Variants in LAMB4 observed in about 807,000 individuals in gnomAD.
The protein encoded by LAMB4 is laminin subunit beta 4, also known as laminin subunit beta-4.
A neutral mutation model predicts 199.2 loss-of-function variants in LAMB4; 196 were observed. The ratio of observed to expected loss-of-function variants is 0.98; its 90% CI spans 0.88 to 1.11. The LOEUF is 1.11. Ranked by LOEUF, LAMB4 falls within the 50% of genes least tolerant of loss-of-function variation. The pLI, the probability that LAMB4 is intolerant of heterozygous loss-of-function variation, is 0.00. For missense variants in LAMB4, 2,080 were observed against 2,171.2 expected (o/e 0.96, Z 0.83); for synonymous variants, 744 against 770.6 (o/e 0.97, Z 0.57).
chr7:108,047,882 C>A (rs774890100), intron 28 of LAMB4, 26 bp downstream of exon 28: 1 of 1,581,244 alleles, frequency 6.3e-7, no homozygotes, highest in East Asian at 2.2e-5. Context: ...TATAACTTTA[C>A]AAATAAAGCA....
chr7:108,028,472 A>AT (rs1195925912), intron 33 of LAMB4, among the ~76,000 whole-genome samples: 7,315 of 111,780 alleles, frequency 0.065, 403 homozygotes, highest in African/African-American at 0.088. Context: ...AAAAAAGGGC[A>AT]TTTTTTTTTT....
chr7:108,118,634 A>T (rs892251056), intron 2 of LAMB4, among the ~76,000 whole-genome samples: 1 of 152,130 alleles, frequency 6.6e-6, no homozygotes, highest in African/African-American at 2.4e-5. Flanking sequence ...ATTAATATTA[A>T]TTAAAAATTC....
rs766756382 is a variant in LAMB4, at chr7:108,066,528, C to A, written c.2519G>T (p.Gly840Val). The A allele has an allele frequency of 3.1e-6, 5 of 1,613,976 alleles. No individual in the cohort carries two copies. The Admixed American group carries it at 8.3e-5, about 27-fold the overall frequency. The stretch of plus-strand genomic sequence containing the variant: ...ATCACAGCGGCGGCCAGACACCTCT[C>A]CATGGCAGGGGCACTGTCCTGTTAC... ...DQVTGQCPCH[G>V]EVSGRRCDRC... The change falls in exon 20 of 34, where the codon GGA becomes GTA. Residue 840 changes from glycine (G) to valine (V), a missense_variant. Coordinates refer to ENST00000388781, the MANE Select transcript of LAMB4 (RefSeq NM_007356.3).
At position 108,024,023 on chromosome 7, in the gene LAMB4, T is replaced by C; in HGVS notation, c.*16A>G. The C allele has an allele frequency of 1.9e-6, 3 of 1,588,204 alleles. No homozygotes were observed. The highest frequency in any genetic ancestry group is 2.6e-6 in the Non-Finnish European group (3 of 1,171,734). ...AACCAGAAACAAAGGCACAAGCTTT[T>C]GCTCTTTAACTCTGCCTAGCTATAG... On this transcript the variant is annotated 3_prime_UTR_variant, in exon 34 of 34. Coordinates refer to ENST00000388781, the MANE Select transcript of LAMB4 (RefSeq NM_007356.3).
At chr7:108,065,411 G>C (rs765471565) in intron 21 of LAMB4, among the ~76,000 whole-genome samples, 1 of 152,018 alleles carries the variant, frequency 6.6e-6, no homozygotes, top group Non-Finnish European at 1.5e-5. Context: ...TTATTTTTTA[G>C]TTGCTTGTTA....
At chr7:108,115,759 G>A (rs2038381254) in intron 3 of LAMB4, among the ~76,000 whole-genome samples, 1 of 152,126 alleles carries the variant, frequency 6.6e-6, no homozygotes, top group Non-Finnish European at 1.5e-5. Context: ...GGAGGATATA[G>A]GTAGGTTACA....
intron 32 of LAMB4, 68 bp downstream of exon 32, chr7:108,030,738 G>C (rs879788339): frequency 2.0e-6 from 3 of 1,463,508 alleles, no homozygotes; most frequent in Non-Finnish European, 2.8e-6. Flanking sequence ...AAAAATCTGG[G>C]GTTAAAGAAC....
chr7:108,104,682 T>G (rs1487004752), intron 8 of LAMB4, 63 bp from the exon 9 acceptor site: 18 of 1,576,564 alleles, frequency 1.1e-5, no homozygotes, highest in African/African-American at 1.4e-5. Flanking sequence ...TGGGGTTCTT[T>G]AAATGGGAAA....
chr7:108,079,579 A>G (rs752685479), intron 15 of LAMB4, 22 bp downstream of exon 15: 8 of 1,566,464 alleles, frequency 5.1e-6, no homozygotes, highest in Non-Finnish European at 6.9e-6. Flanking sequence ...TTCACCACCA[A>G]AGTTGGAGAG....
At chr7:108,042,751 AC>A (rs1360100410) in intron 29 of LAMB4, among the ~76,000 whole-genome samples, 21 of 152,220 alleles carry the variant, frequency 1.4e-4, no homozygotes, top group African/African-American at 4.6e-4. Flanking sequence ...CAACAAAAAA[AC>A]AAACCCAAAA....
Position 108,104,597 on chromosome 7 carries a change from T to C in LAMB4, c.893A>G (p.Gln298Arg), listed in dbSNP as rs1038440962. ...PGMVHGQCVC[Q>R]HNTDGPNCER... Reference sequence around the variant, plus strand: ...ACAGTTCGGACCATCTGTATTGTGCTGACACACACACTGACCGTGAACCTG... The same window carrying C: ...ACAGTTCGGACCATCTGTATTGTGCCGACACACACACTGACCGTGAACCTG... The change falls in exon 9 of 34, where the codon CAG (glutamine) becomes CGG (arginine). Residue 298 changes from glutamine (Q) to arginine (R), a missense_variant. Coordinates refer to ENST00000388781, the MANE Select transcript of LAMB4 (RefSeq NM_007356.3). The C allele has an allele frequency of 5.6e-6, 9 of 1,614,020 alleles. No homozygotes were observed. The African/African-American group carries it at 8.0e-5, about 14-fold the overall frequency.
At chr7:108,034,016 C>T (rs918298217) in intron 31 of LAMB4, among the ~76,000 whole-genome samples, 192 bp downstream of exon 31, 8 of 151,914 alleles carry the variant, frequency 5.3e-5, no homozygotes, top group Non-Finnish European at 1.2e-4. Context: ...CAGAATTGGT[C>T]GCAATTAATA....
chr7:108,081,445 C>T (rs1482479247), intron 14 of LAMB4, among the ~76,000 whole-genome samples: 8 of 152,222 alleles, frequency 5.3e-5, no homozygotes, highest in African/African-American at 7.2e-5. Context: ...GACCATGTCT[C>T]GCTCTGCTCT....
At chr7:108,092,133 T>G (rs151206918) in intron 13 of LAMB4, among the ~76,000 whole-genome samples, 59 of 152,258 alleles carry the variant, frequency 3.9e-4, no homozygotes, top group African/African-American at 1.2e-3. Context: ...GCCACCAGCT[T>G]GTGGTGGGAT....
Position 108,049,792 on chromosome 7 carries a change from G to C in LAMB4, c.3917-261C>G, listed in dbSNP as rs1563047152. ...GTCCTGGCTTCACCCTTTACTGCCT[G>C]GGCATACCCTTGAGCAAATCAGTTC... On this transcript the variant is annotated intron_variant, in intron 26 of 33. Transcript: ENST00000388781. Among the ~76,000 whole-genome samples the C allele has an allele frequency of 2.0e-5, 3 of 152,218 alleles. No individual in the cohort carries two copies. The South Asian group carries it at 6.2e-4, about 32-fold the overall frequency.
rs377473114 is a variant in LAMB4, at chr7:108,052,192, G to T, written c.3821C>A (p.Thr1274Lys). ...TGCTTCATTCTTTGCTCTTTCTATT[G>T]TATCTTTCAGATCTTGAAATTCATA... is the stretch of plus-strand genomic sequence containing the variant. ...AVYEFQDLKD[T>K]IERAKNEADL... The change falls in exon 26 of 34, where the codon ACA becomes AAA. Residue 1274 changes from threonine to lysine, a missense_variant. By Grantham distance (78) the Thr-to-Lys change is moderately conservative. Transcript: ENST00000388781. 1.8e-4 allele frequency: 298 copies of T among 1,611,010 alleles called. 5 individuals carry two copies. The South Asian group carries it at 3.1e-3, about 17-fold the overall frequency.
chr7:108,072,439 G>C (rs952434747), intron 17 of LAMB4, among the ~76,000 whole-genome samples: 1 of 152,162 alleles, frequency 6.6e-6, no homozygotes, highest in Non-Finnish European at 1.5e-5. Flanking sequence ...TGGAAGTCAT[G>C]TATGCAGATA....
At chr7:108,105,225 A>G (rs571298720) in intron 8 of LAMB4, among the ~76,000 whole-genome samples, 1 of 152,306 alleles carries the variant, frequency 6.6e-6, no homozygotes, top group South Asian at 2.1e-4. Flanking sequence ...CTCTTCTACA[A>G]TGTCTTTTAA....
At chr7:108,123,878 T>C (rs183254816) in intron 1 of LAMB4, among the ~76,000 whole-genome samples, 28 of 152,328 alleles carry the variant, frequency 1.8e-4, no homozygotes, top group African/African-American at 6.5e-4. Flanking sequence ...TTTTCTTCTT[T>C]GTAGATTTGG....
Sources: allele counts gnomAD v4.1 joint callset (sites outside exome capture counted in the v4.1 genomes callset), GRCh38; gene constraint gnomAD v4.1.1; transcripts MANE v1.5; gene names NCBI Gene and HGNC (gene_info 2026-07-23, HGNC 2026-07-21).